The following TRIP11 variants were observed in gnomAD, a reference collection of about 807,000 sequenced individuals.
The protein encoded by TRIP11 is thyroid receptor-interacting protein 11.
A neutral mutation model predicts 223.1 loss-of-function variants in TRIP11; 148 were observed. That is an observed-to-expected ratio of 0.66 (90% CI 0.58 to 0.76). The LOEUF is 0.76. Ranked by LOEUF, TRIP11 falls within the 30% of genes least tolerant of loss-of-function variation. TRIP11 has a pLI of 0.00. For synonymous variants in TRIP11, 762 were observed against 772.6 expected (o/e 0.99, Z 0.23); for missense variants, 2,043 against 2,222.0 (o/e 0.92, Z 1.62).
Position 92,007,621 on chromosome 14 carries a change from G to T in TRIP11, c.1527+19C>A. ...ACTTAGTAGAATGTGCTGCCTTACT[G>T]TATTTAATACAGTGTTACCTTTGTA... is the stretch of plus-strand genomic sequence containing the variant. On this transcript the variant is annotated intron_variant, in intron 10 of 20. Transcript: ENST00000267622. 6.2e-7 allele frequency: 1 copy of T among 1,610,114 alleles called. No homozygotes were observed. Among genetic ancestry groups the T allele is most frequent in the Non-Finnish European group, 8.5e-7 (1 of 1,177,346 alleles).
chr14:91,988,393 A>C lies in TRIP11; in HGVS notation c.5161-10T>G, dbSNP rs908562992. The C allele has an allele frequency of 1.4e-5, 22 of 1,611,828 alleles. No individual in the cohort carries two copies. Among genetic ancestry groups the C allele is most frequent in the Non-Finnish European group, 1.8e-5 (21 of 1,178,374 alleles). ...CTTCATCCAAACATTCCTGAGAAAG[A>C]AAACTTTATTAAAAAAAAGTATGCA... On this transcript the variant is annotated splice_polypyrimidine_tract_variant and intron_variant, in intron 15 of 20. Coordinates refer to ENST00000267622, the MANE Select transcript of TRIP11 (RefSeq NM_004239.4).
At chr14:91,977,740 T>A (rs1334133144) in intron 16 of TRIP11, among the ~76,000 whole-genome samples, 2 of 152,104 alleles carry the variant, frequency 1.3e-5, no homozygotes, top group Non-Finnish European at 2.9e-5. Flanking sequence ...CAGGTCTGTT[T>A]GCTTTATGTT....
intron 9 of TRIP11, among the ~76,000 whole-genome samples, chr14:92,008,125 T>C (rs1359287794): frequency 1.3e-5 from 2 of 152,160 alleles, no homozygotes; most frequent in Non-Finnish European, 2.9e-5. Context: ...TTCTTCTTTA[T>C]AAAAAACGTT....
At chr14:91,994,540 G>A (rs898257696) in intron 14 of TRIP11, among the ~76,000 whole-genome samples, 8 of 152,086 alleles carry the variant, frequency 5.3e-5, no homozygotes, top group Admixed American at 2.0e-4. Context: ...CACCGTGCCC[G>A]GCAAGAATTC....
Position 91,968,274 on chromosome 14 carries a change from A to G in TRIP11, c.*1399T>C, listed in dbSNP as rs1398827723. Reference sequence around the variant, plus strand: ...TTGCAAGAAATATCTTTTTAAATGTACAACTTCAACAACTAATAAAAATAT... The same window carrying G: ...TTGCAAGAAATATCTTTTTAAATGTGCAACTTCAACAACTAATAAAAATAT... On this transcript the variant is annotated 3_prime_UTR_variant, in exon 21 of 21. Coordinates refer to ENST00000267622, the MANE Select transcript of TRIP11 (RefSeq NM_004239.4). 1.5e-5 allele frequency: 3 copies of G among 204,022 alleles called. No individual in the cohort carries two copies. Among genetic ancestry groups the G allele is most frequent in the African/African-American group, 2.3e-5 (1 of 43,728 alleles). The allele number at this position is 204,022 out of a possible 1,614,324, so 12.6% of individuals were successfully genotyped here. A position where few individuals can be genotyped will look rare whatever the true frequency, so the allele number is the denominator to read the frequency against.
At chr14:91,982,722 C>T (rs970321724) in intron 16 of TRIP11, among the ~76,000 whole-genome samples, 2 of 152,234 alleles carry the variant, frequency 1.3e-5, no homozygotes, top group African/African-American at 4.8e-5. Context: ...TCCTGCATGG[C>T]AGCAGCTGGG....
At chr14:91,977,043 T>G (rs1332313130) in intron 16 of TRIP11, 1 of 246,164 alleles carries the variant, frequency 4.1e-6, no homozygotes, top group East Asian at 1.2e-4. Context: ...TAAGCTAGAT[T>G]ATAAGTTTTT....
At position 92,037,837 on chromosome 14, in the gene TRIP11, C is replaced by T. The variant is rs1418793763; in HGVS notation, c.139+1710G>A. On this transcript the variant is annotated intron_variant, in intron 1 of 20. Transcript: ENST00000267622. The surrounding 1 kb of genome is among the most constrained non-coding windows in gnomAD (Gnocchi z 4.2). ...GTTGCAGCGAGCCGAGATCGCGCCA[C>T]TGCATCCAGCCTACGCAACAGAGTG... Among the ~76,000 whole-genome samples, 3 of 152,198 alleles carry T rather than the reference C, an allele frequency of 2.0e-5. No individual in the cohort carries two copies. The highest frequency in any genetic ancestry group is 7.2e-5 in the African/African-American group (3 of 41,448).
In TRIP11 at chr14:92,014,581, G is replaced by T; in HGVS notation, c.824-4C>A. 1 of 1,601,202 alleles carries T rather than the reference G, an allele frequency of 6.2e-7. No homozygotes were observed. On this transcript the variant is annotated splice_region_variant and splice_polypyrimidine_tract_variant and intron_variant, in intron 6 of 20. Transcript: ENST00000267622. ...GTTTCTATAACTCCAGAGCCACCTA[G>T]AACATAAACACAAAACAATGACATC...
intron 9 of TRIP11, among the ~76,000 whole-genome samples, chr14:92,008,698 C>T (rs1376737925): frequency 6.6e-6 from 1 of 152,128 alleles, no homozygotes; most frequent in African/African-American, 2.4e-5. Context: ...ATGGAATCTA[C>T]TTTAAATAGA....
chr14:92,017,136 A>G (rs2057044302), intron 5 of TRIP11, among the ~76,000 whole-genome samples: 1 of 152,246 alleles, frequency 6.6e-6, no homozygotes, highest in African/African-American at 2.4e-5. Context: ...ACAATAGAGT[A>G]TAGAGACTTA....
intron 20 of TRIP11, among the ~76,000 whole-genome samples, chr14:91,972,505 T>A (rs762727122): frequency 5.3e-5 from 8 of 152,234 alleles, no homozygotes; most frequent in Non-Finnish European, 1.2e-4. Context: ...TTTAAATTAA[T>A]CTAAGTCAAT....
At chr14:92,020,677 G>C (rs2057100459) in intron 4 of TRIP11, among the ~76,000 whole-genome samples, 1 of 150,530 alleles carries the variant, frequency 6.6e-6, no homozygotes, top group African/African-American at 2.4e-5. Flanking sequence ...AAAAAAAAAA[G>C]GATCTGTTGC....
intron 19 of TRIP11, 114 bp from the exon 20 acceptor site, chr14:91,972,975 A>C (rs2056417687): frequency 3.2e-6 from 3 of 945,094 alleles, no homozygotes; most frequent in African/African-American, 1.7e-5. Context: ...ATGCCACTTG[A>C]ATAATTTTTT....
intron 16 of TRIP11, among the ~76,000 whole-genome samples, chr14:91,977,982 C>G (rs546000623): frequency 6.6e-6 from 1 of 151,994 alleles, no homozygotes; most frequent in African/African-American, 2.4e-5. Flanking sequence ...AAATCTACTA[C>G]GAACTTTTCC....
In TRIP11 at chr14:92,025,422, T is replaced by C. The variant is rs863223281; in HGVS notation, c.202-2A>G. ...ACAAAGTTTCTTAAGCCTTTCATTCTAGAAAAAAAAAGTATTTTCAACAAA... is the reference window on the plus strand; with the variant it reads ...ACAAAGTTTCTTAAGCCTTTCATTCCAGAAAAAAAAAGTATTTTCAACAAA... On this transcript the variant is annotated splice_acceptor_variant, in intron 2 of 20. Transcript: ENST00000267622. LOFTEE classifies it high-confidence loss of function. The C allele has an allele frequency of 4.4e-6, 7 of 1,606,276 alleles. No individual in the cohort carries two copies. The highest frequency in any genetic ancestry group is 6.0e-6 in the Non-Finnish European group (7 of 1,175,348).
chr14:92,027,017 C>T, intron 2 of TRIP11: 2 of 648,330 alleles, frequency 3.1e-6, no homozygotes, highest in East Asian at 3.0e-5. Flanking sequence ...TGGGCAGTGC[C>T]ACCAGCAGAT....
At chr14:91,993,424 C>A (rs1024279043) in intron 15 of TRIP11, among the ~76,000 whole-genome samples, 1 of 133,994 alleles carries the variant, frequency 7.5e-6, no homozygotes, top group African/African-American at 2.9e-5. Context: ...TGCGGTGGGT[C>A]GAGATCACGC....
intron 16 of TRIP11, among the ~76,000 whole-genome samples, chr14:91,984,100 T>TA (rs577175889): frequency 0.014 from 2,020 of 149,294 alleles, 29 homozygotes; most frequent in African/African-American, 0.046. Flanking sequence ...TCAACCTTCT[T>TA]AAAAAAAAAA....
Sources: allele counts gnomAD v4.1 joint callset (sites outside exome capture counted in the v4.1 genomes callset), GRCh38; gene constraint gnomAD v4.1.1; non-coding constraint Gnocchi (gnomAD v3.1); transcripts MANE v1.5; gene names NCBI Gene and HGNC (gene_info 2026-07-23, HGNC 2026-07-21).